Variants in MGST1 observed in about 807,000 individuals in gnomAD.
MGST1 encodes microsomal glutathione S-transferase 1.
A neutral mutation model predicts 8.9 loss-of-function variants in MGST1; 5 were observed. The ratio of observed to expected loss-of-function variants is 0.56; its 90% CI spans 0.29 to 1.19. The LOEUF (loss-of-function observed/expected upper bound fraction) is 1.19, where lower values mean the gene tolerates loss of function less well. Ranked by LOEUF, MGST1 falls within the 50% of genes most tolerant of loss-of-function variation. The pLI, the probability that MGST1 is intolerant of heterozygous loss-of-function variation, is 0.08. For missense variants in MGST1, 182 were observed against 187.4 expected (o/e 0.97, Z 0.17); for synonymous variants, 54 against 67.8 (o/e 0.80, Z 1.00).
rs1176127468 is a variant in MGST1, at chr12:16,401,139, C to G, written n.778+17535C>G. ...CATCTTCGTTCCTTAGGAAAATACC[C>G]ACATTCTTCACTTTCTTCTTCACAG... On this transcript the variant is annotated intron_variant and non_coding_transcript_variant, in intron 1 of 1. Transcript: ENST00000359720. The surrounding 1 kb of genome is among the most constrained non-coding windows in gnomAD (Gnocchi z 4.3). The G allele has an allele frequency of 6.4e-7, 1 of 1,567,082 alleles. No individual in the cohort carries two copies. Among genetic ancestry groups the G allele is most frequent in the Non-Finnish European group, 8.8e-7 (1 of 1,138,128 alleles).
intron 4 of MGST1, among the ~76,000 whole-genome samples, chr12:16,532,402 T>C (rs1941728669): frequency 6.6e-6 from 1 of 152,096 alleles, no homozygotes; most frequent in African/African-American, 2.4e-5. Context: ...AAAATTAACA[T>C]TCTCACCACA....
At chr12:16,397,265 A>G (rs1207937411) in intron 1 of MGST1, among the ~76,000 whole-genome samples, 1 of 152,242 alleles carries the variant, frequency 6.6e-6, no homozygotes, top group African/African-American at 2.4e-5. Context: ...CTCACCTTAC[A>G]GAAAAATCAA....
intron 1 of MGST1, among the ~76,000 whole-genome samples, chr12:16,406,354 A>G (rs1325053808): frequency 2.0e-5 from 3 of 152,192 alleles, no homozygotes; most frequent in Non-Finnish European, 2.9e-5. Context: ...ACAGCTAACC[A>G]CGGAGGTGAA....
chr12:16,401,376 T>C lies in MGST1; in HGVS notation n.778+17772T>C. On this transcript the variant is annotated intron_variant and non_coding_transcript_variant, in intron 1 of 1. Transcript: ENST00000359720. This position sits in a 1 kb window ranked among gnomAD's most constrained non-coding sequence, Gnocchi z 4.3. ...CATGGAATTCAATTCCCACCCCAAATCCTAGGTTTCTGGTAATTTTGTTCA... is the reference window on the plus strand; with the variant it reads ...CATGGAATTCAATTCCCACCCCAAACCCTAGGTTTCTGGTAATTTTGTTCA... 8.7e-7 allele frequency: 1 copy of C among 1,148,718 alleles called. No homozygotes were observed. The highest frequency in any genetic ancestry group is 1.2e-5 in the South Asian group (1 of 81,732). 71.2% of individuals were successfully genotyped at this position (1,148,718 alleles called of 1,614,324 possible). A position where few individuals can be genotyped will look rare whatever the true frequency, so the allele number is the denominator to read the frequency against.
chr12:16,424,932 T>C (rs995904696), intron 1 of MGST1, among the ~76,000 whole-genome samples: 5 of 152,270 alleles, frequency 3.3e-5, no homozygotes, highest in African/African-American at 1.2e-4. Context: ...TCTTCACCTA[T>C]GCACATGCCA....
chr12:16,399,391 G>T (rs565909946), intron 1 of MGST1: 104 of 1,515,904 alleles, frequency 6.9e-5, no homozygotes, highest in Non-Finnish European at 9.4e-5. Context: ...CTCATACTTC[G>T]ACTTTGTTCT....
At chr12:16,355,532 G>A (rs9332907) in intron 2 of MGST1, among the ~76,000 whole-genome samples, 19 of 152,098 alleles carry the variant, frequency 1.2e-4, no homozygotes, top group Non-Finnish European at 2.1e-4. Flanking sequence ...AAGGATGTTT[G>A]CATTTTAATG....
intron 4 of MGST1, among the ~76,000 whole-genome samples, chr12:16,556,335 C>A (rs931597315): frequency 2.6e-4 from 40 of 152,090 alleles, no homozygotes; most frequent in African/African-American, 8.9e-4. Context: ...CCTGCGGTAC[C>A]TTTTAAAATA....
intron 4 of MGST1, among the ~76,000 whole-genome samples, chr12:16,470,209 C>T (rs933468192): frequency 2.0e-5 from 3 of 152,130 alleles, no homozygotes; most frequent in Non-Finnish European, 2.9e-5. Context: ...CCAGTCATTG[C>T]TAGAGTTATT....
chr12:16,559,916 T>A lies in MGST1; in HGVS notation n.483-29612T>A, dbSNP rs958360982. Among the ~76,000 whole-genome samples the A allele has an allele frequency of 5.3e-5, 8 of 152,044 alleles. No homozygotes were observed. Among genetic ancestry groups the A allele is most frequent in the Non-Finnish European group, 1.2e-4 (8 of 68,004 alleles). ...GTTGAGGCTGCATGAGCCATGTTAGTGCCACTGCGCTCTAGGCTGGGTGAC... is the reference window on the plus strand; with the variant it reads ...GTTGAGGCTGCATGAGCCATGTTAGAGCCACTGCGCTCTAGGCTGGGTGAC... On this transcript the variant is annotated intron_variant and non_coding_transcript_variant, in intron 4 of 4. Transcript: ENST00000538857. This position sits in a 1 kb window ranked among gnomAD's most constrained non-coding sequence, Gnocchi z 4.1.
intron 2 of MGST1, among the ~76,000 whole-genome samples, chr12:16,356,828 G>A (rs1939736304): frequency 1.3e-5 from 2 of 152,148 alleles, no homozygotes; most frequent in South Asian, 4.1e-4. Flanking sequence ...CAGAGTACAA[G>A]ACACCTTTCC....
intron 3 of MGST1, among the ~76,000 whole-genome samples, chr12:16,358,955 C>CATATCAT (rs1362768142): frequency 6.6e-6 from 1 of 151,920 alleles, no homozygotes; most frequent in Non-Finnish European, 1.5e-5. Flanking sequence ...TCCCTTATGG[C>CATATCAT]ATATCATCTC....
In MGST1 at chr12:16,410,784, C is replaced by A. The variant is rs182170553; in HGVS notation, n.779-26604C>A. Among the ~76,000 whole-genome samples the A allele has an allele frequency of 4.8e-4, 72 of 151,376 alleles. No homozygotes were observed. The highest frequency in any genetic ancestry group is 1.7e-3 in the African/African-American group (70 of 41,362). On this transcript the variant is annotated intron_variant and non_coding_transcript_variant, in intron 1 of 1. Transcript: ENST00000359720. The surrounding 1 kb of genome is among the most constrained non-coding windows in gnomAD (Gnocchi z 4.4). ...ATTTGATTATGTCATCTCCCCATAT[C>A]CCAAACCCTTCACCAGCTTCTCATT... is the stretch of plus-strand genomic sequence containing the variant.
At chr12:16,491,054 A>T (rs2058793) in intron 4 of MGST1, among the ~76,000 whole-genome samples, 1 of 152,274 alleles carries the variant, frequency 6.6e-6, no homozygotes, top group Non-Finnish European at 1.5e-5. Flanking sequence ...GATTTAATCA[A>T]ATTCTCTCGA....
At chr12:16,423,115 T>A (rs1940852645) in intron 1 of MGST1, among the ~76,000 whole-genome samples, 1 of 152,206 alleles carries the variant, frequency 6.6e-6, no homozygotes, top group Non-Finnish European at 1.5e-5. Flanking sequence ...CCTGGAGCAA[T>A]CAGAGGGCTC....
At chr12:16,398,066 T>G (rs1223102770) in intron 1 of MGST1, among the ~76,000 whole-genome samples, 1 of 147,032 alleles carries the variant, frequency 6.8e-6, no homozygotes, top group Non-Finnish European at 1.5e-5. Context: ...TTATAGAGTT[T>G]TTTTTCCATT....
intron 1 of MGST1, among the ~76,000 whole-genome samples, chr12:16,405,144 A>G (rs1940688844): frequency 1.3e-5 from 2 of 152,214 alleles, no homozygotes; most frequent in Non-Finnish European, 2.9e-5. Context: ...TGGCAAACCA[A>G]TCTCAAAGCT....
chr12:16,500,939 G>C lies in MGST1; in HGVS notation n.483-88589G>C, dbSNP rs905746532. Among the ~76,000 whole-genome samples the C allele has an allele frequency of 1.3e-5, 2 of 151,850 alleles. No individual in the cohort carries two copies. Among genetic ancestry groups the C allele is most frequent in the African/African-American group, 4.8e-5 (2 of 41,364 alleles). On this transcript the variant is annotated intron_variant and non_coding_transcript_variant, in intron 4 of 4. Coordinates refer to the MGST1 transcript ENST00000538857. The surrounding 1 kb of genome is among the most constrained non-coding windows in gnomAD (Gnocchi z 4.3). The stretch of plus-strand genomic sequence containing the variant: ...GCCAAAATGGTGAAACCCTGTCTGT[G>C]CTGAAAATACAAAAAACTTAGCTGG...
intron 1 of MGST1, among the ~76,000 whole-genome samples, chr12:16,405,443 A>C (rs1940691705): frequency 6.6e-6 from 1 of 152,128 alleles, no homozygotes; most frequent in African/African-American, 2.4e-5. Flanking sequence ...CAACCAAAAA[A>C]AGCCCAGGAC....
Sources: gnomAD v4.1 joint callset for allele counts (sites outside exome capture counted in the v4.1 genomes callset) on GRCh38, gnomAD v4.1.1 for gene constraint, Gnocchi (gnomAD v3.1) non-coding constraint, MANE v1.5 for transcripts, NCBI Gene and HGNC (gene_info 2026-07-23, HGNC 2026-07-21) for gene names.